CNTN4: variants seen among roughly 807,000 people sequenced by gnomAD.
The protein encoded by CNTN4 is contactin 4.
CNTN4 carries 77 observed loss-of-function variants against 122.5 expected under a neutral mutation model. The observed-to-expected ratio is 0.63, with a 90% CI of 0.52 to 0.76. The LOEUF (loss-of-function observed/expected upper bound fraction) is 0.76. CNTN4 is among the 30% of genes least tolerant of loss of function. The pLI, the probability that CNTN4 is intolerant of heterozygous loss-of-function variation, is 0.00. For missense variants in CNTN4, 1,256 were observed against 1,259.1 expected, an observed-to-expected ratio of 1.00 and a Z score of 0.04; for synonymous variants, 512 against 447.0, an observed-to-expected ratio of 1.15 and a Z score of -1.83.
chr3:2,769,204 G>A (rs540509171), intron 6 of CNTN4, among the ~76,000 whole-genome samples: 11 of 152,078 alleles, frequency 7.2e-5, no homozygotes, highest in East Asian at 1.9e-4. Context: ...TGGCTCACAC[G>A]TGTAATCCCA....
rs931479236 is a variant in CNTN4, at chr3:2,525,263, C to G, written c.-88-46153C>G. 2.0e-5 allele frequency among the ~76,000 whole-genome samples: 3 copies of G among 151,928 alleles called. No individual in the cohort carries two copies. In the East Asian group the frequency reaches 5.8e-4, roughly 29 times the overall value. ...CTATGGGGACTGCCTTTTCTTTTTC[C>G]AATTGAAAATAGGCTAGAAAAGGGA... On this transcript the variant is annotated intron_variant, in intron 3 of 24. Transcript: ENST00000418658.
Position 3,037,178 on chromosome 3 carries a change from G to T in CNTN4, c.1943-1G>T. 1 of 1,614,162 alleles carries T rather than the reference G, an allele frequency of 6.2e-7. No homozygotes were observed. The highest frequency in any genetic ancestry group is 8.5e-7 in the Non-Finnish European group (1 of 1,180,016). On this transcript the variant is annotated splice_acceptor_variant, in intron 17 of 24. Coordinates refer to ENST00000418658, the MANE Select transcript of CNTN4 (RefSeq NM_175607.3). LOFTEE classifies it high-confidence loss of function. ...AGCCCCCACCTTTTGTTGTCTTTCA[G>T]TCCCAGAACTCATTGATGGGAAGAC...
rs562804897 is a variant in CNTN4, at chr3:2,997,754, G to A, written c.1486+9282G>A. 2.6e-5 allele frequency among the ~76,000 whole-genome samples: 4 copies of A among 152,280 alleles called. No individual in the cohort carries two copies. In the East Asian group the frequency reaches 7.7e-4, roughly 29 times the overall value. On this transcript the variant is annotated intron_variant, in intron 14 of 24. Coordinates refer to ENST00000418658, the MANE Select transcript of CNTN4 (RefSeq NM_175607.3). ...TGTCTCTTTTATGTATCCATTTGAG[G>A]AGGTGAAAGTAGGTTCCTGGTTATG...
chr3:2,979,088 G>A (rs1246180207), intron 13 of CNTN4, among the ~76,000 whole-genome samples: 2 of 152,168 alleles, frequency 1.3e-5, no homozygotes, highest in African/African-American at 4.8e-5. Flanking sequence ...GCTTATCTAC[G>A]AGGTGTTCGA....
intron 2 of CNTN4, among the ~76,000 whole-genome samples, chr3:2,116,059 C>T (rs2033330033): frequency 6.6e-6 from 1 of 152,160 alleles, no homozygotes; most frequent in South Asian, 2.1e-4. Flanking sequence ...TTGGGCCTGG[C>T]ACTCATCATT....
chr3:2,501,548 G>A (rs1174045269), intron 3 of CNTN4, among the ~76,000 whole-genome samples: 1 of 152,090 alleles, frequency 6.6e-6, no homozygotes, highest in Non-Finnish European at 1.5e-5. Context: ...GCATTCCACA[G>A]CTTGTGGCCT....
At chr3:2,609,426 C>T (rs760381588) in intron 4 of CNTN4, among the ~76,000 whole-genome samples, 1 of 152,182 alleles carries the variant, frequency 6.6e-6, no homozygotes, top group Non-Finnish European at 1.5e-5. Flanking sequence ...GCCTCCATAA[C>T]TGTGAGAAAT....
At chr3:2,768,399 T>C (rs1444343776) in intron 6 of CNTN4, among the ~76,000 whole-genome samples, 3 of 152,236 alleles carry the variant, frequency 2.0e-5, no homozygotes, top group African/African-American at 7.2e-5. Flanking sequence ...TGGCTCAATA[T>C]TAAATTTGTT....
rs140863879 is a variant in CNTN4 at position 2,400,303 on chromosome 3, G to A, written c.-89+61070G>A. On this transcript the variant is annotated intron_variant, in intron 3 of 24. Coordinates refer to ENST00000418658, the MANE Select transcript of CNTN4 (RefSeq NM_175607.3). ...TTCTCCATTTTTCCATAATATATAT[G>A]TACACACACAAACATACACACACAT... Among the ~76,000 whole-genome samples, 934 of 148,998 alleles carry A rather than the reference G, an allele frequency of 6.3e-3. 8 individuals carry two copies. The highest frequency in any genetic ancestry group is 0.021 in the African/African-American group (850 of 40,756).
At position 2,961,187 on chromosome 3, in the gene CNTN4, A is replaced by G. The variant is rs1239183786; in HGVS notation, c.1359-27158A>G. ...GGAGCTTGCAGTGAGCCGAGATTGG[A>G]CCACTGCACTCCAGCCTGGGCGACA... On this transcript the variant is annotated intron_variant, in intron 13 of 24. Coordinates refer to ENST00000418658, the MANE Select transcript of CNTN4 (RefSeq NM_175607.3). Among the ~76,000 whole-genome samples, 24 of 121,182 alleles carry G rather than the reference A, an allele frequency of 2.0e-4. 1 individual carries two copies. Among genetic ancestry groups the G allele is most frequent in the Admixed American group, 4.6e-4 (5 of 10,868 alleles). 79.5% of individuals were successfully genotyped at this position (121,182 alleles called of 152,430 possible). A position where few individuals can be genotyped will look rare whatever the true frequency, so the allele number is the denominator to read the frequency against.
chr3:2,965,318 T>C (rs919293568), intron 13 of CNTN4, among the ~76,000 whole-genome samples: 4 of 152,198 alleles, frequency 2.6e-5, no homozygotes, highest in African/African-American at 9.6e-5. Context: ...TGGCCACTGC[T>C]GCCCTAGTTC....
At chr3:2,534,325 G>A (rs184431558) in intron 3 of CNTN4, among the ~76,000 whole-genome samples, 2 of 152,040 alleles carry the variant, frequency 1.3e-5, no homozygotes, top group African/African-American at 4.8e-5. Context: ...TCTACATATG[G>A]CTAGCCAGTT....
chr3:2,365,857 T>C (rs1229286603), intron 3 of CNTN4, among the ~76,000 whole-genome samples: 1 of 152,240 alleles, frequency 6.6e-6, no homozygotes, highest in Admixed American at 6.5e-5. Context: ...CACAGAAGTC[T>C]GTCTATGTTG....
intron 3 of CNTN4, among the ~76,000 whole-genome samples, chr3:2,400,428 CAT>C (rs58112641): frequency 0.35 from 33,404 of 95,684 alleles, 6,108 homozygotes; most frequent in East Asian, 0.51. Flanking sequence ...TATATATATA[CAT>C]ATATATATAT....
At chr3:2,634,193 T>G (rs1250233335) in intron 4 of CNTN4, among the ~76,000 whole-genome samples, 7 of 152,216 alleles carry the variant, frequency 4.6e-5, no homozygotes. Context: ...TATTAGCTTA[T>G]ATGTATAAAT....
chr3:2,905,271 CA>C (rs1306820569), intron 12 of CNTN4, among the ~76,000 whole-genome samples: 1 of 152,200 alleles, frequency 6.6e-6, no homozygotes, highest in East Asian at 1.9e-4. Flanking sequence ...GCTGCTATAA[CA>C]AAAATACTGC....
At chr3:2,302,743 A>G (rs1405733502) in intron 2 of CNTN4, among the ~76,000 whole-genome samples, 2 of 152,202 alleles carry the variant, frequency 1.3e-5, no homozygotes, top group East Asian at 3.9e-4. Context: ...CTAAGGTGAT[A>G]TTGATCACTT....
At chr3:2,649,503 A>G (rs2083271742) in intron 4 of CNTN4, among the ~76,000 whole-genome samples, 1 of 152,224 alleles carries the variant, frequency 6.6e-6, no homozygotes, top group African/African-American at 2.4e-5. Context: ...ACATCTGTTT[A>G]CAACATGGTT....
intron 2 of CNTN4, among the ~76,000 whole-genome samples, chr3:2,222,596 AT>A (rs2039103375): frequency 6.6e-6 from 1 of 151,330 alleles, no homozygotes; most frequent in African/African-American, 2.5e-5. Flanking sequence ...TGAATTTTAT[AT>A]TATATTAATA....
Sources: gnomAD v4.1 joint callset for allele counts (sites outside exome capture counted in the v4.1 genomes callset) on GRCh38, gnomAD v4.1.1 for gene constraint, MANE v1.5 for transcripts, NCBI Gene and HGNC (gene_info 2026-07-23, HGNC 2026-07-21) for gene names.